Variants in LY75 observed in about 807,000 individuals in gnomAD.
The protein encoded by LY75 is C-type lectin domain family 13 member B.
LY75 carries 185 observed loss-of-function variants against 231.7 expected under a neutral mutation model. That is an observed-to-expected ratio of 0.80 (90% CI 0.71 to 0.90). The LOEUF (loss-of-function observed/expected upper bound fraction) is 0.90, where lower values mean the gene tolerates loss of function less well. Ranked by LOEUF, LY75 falls within the 40% of genes least tolerant of loss-of-function variation. LY75 has a pLI of 0.00. For synonymous variants in LY75, 668 were observed against 689.0 expected (o/e 0.97, Z 0.48); for missense variants, 1,947 against 2,050.2 (o/e 0.95, Z 0.97).
Position 159,840,719 on chromosome 2 carries a change from G to A in LY75, c.3507+10C>T. ...TCACCCAGTCCTGGCAGTTGGGACT[G>A]AACACTTACATCTTGACTGAAGAGT... is the stretch of plus-strand genomic sequence containing the variant. On this transcript the variant is annotated intron_variant, in intron 25 of 34. Coordinates refer to ENST00000263636, the MANE Select transcript of LY75 (RefSeq NM_002349.4). 1 of 1,613,942 alleles carries A rather than the reference G, an allele frequency of 6.2e-7. No individual in the cohort carries two copies. The highest frequency in any genetic ancestry group is 1.7e-5 in the Admixed American group (1 of 60,012).
chr2:159,880,470 A>G (rs917641985), intron 8 of LY75, among the ~76,000 whole-genome samples: 6 of 152,230 alleles, frequency 3.9e-5, no homozygotes, highest in African/African-American at 1.4e-4. Context: ...CACTGATGGC[A>G]GAAAGGTGGG....
intron 1 of LY75, among the ~76,000 whole-genome samples, 181 bp downstream of exon 1, chr2:159,904,408 G>A (rs566325103): frequency 6.6e-6 from 1 of 152,334 alleles, no homozygotes; most frequent in African/African-American, 2.4e-5. Context: ...GAGGGCACTG[G>A]GGCGCTTCCT....
intron 12 of LY75, among the ~76,000 whole-genome samples, chr2:159,873,993 A>G (rs1378412480): frequency 1.5e-5 from 1 of 67,176 alleles, no homozygotes; most frequent in African/African-American, 5.2e-5. Context: ...AAAAATACAT[A>G]TAAACGTATA....
Position 159,885,278 on chromosome 2 carries a change from G to A in LY75, c.929C>T (p.Pro310Leu), listed in dbSNP as rs757565645. 21 of 1,613,188 alleles carry A rather than the reference G, an allele frequency of 1.3e-5. No individual in the cohort carries two copies. The highest frequency in any genetic ancestry group is 1.8e-5 in the Non-Finnish European group (21 of 1,179,478). ...TGCACAGCTGGAGCCACCTATAGTA[G>A]GTGCACTGGGCCTGTCTTAAAAGGG... ...LNWDPDRPSA[P>L]TIGGSSCARM... The change falls in exon 6 of 35, where the codon CCT becomes CTT. Residue 310 changes from proline to leucine, a missense_variant. Coordinates refer to ENST00000263636, the MANE Select transcript of LY75 (RefSeq NM_002349.4).
chr2:159,878,347 G>A lies in LY75; in HGVS notation c.1751C>T (p.Ser584Phe), dbSNP rs1685332532. 1 of 1,613,926 alleles carries A rather than the reference G, an allele frequency of 6.2e-7. No individual in the cohort carries two copies. Among genetic ancestry groups the A allele is most frequent in the East Asian group, 2.2e-5 (1 of 44,868 alleles). The change falls in exon 11 of 35, where the codon TCC (serine) becomes TTC (phenylalanine). Residue 584 changes from serine (S) to phenylalanine (F), a missense_variant. Coordinates refer to ENST00000263636, the MANE Select transcript of LY75 (RefSeq NM_002349.4). ...VGGRRRAVTF[S>F]NWNFLEPASP... Reference sequence around the variant, plus strand: ...ACCTGGCTCAAGAAAATTCCAGTTGGAAAAGGTTACAGCCCGCCTTCTTCC... The same window carrying A: ...ACCTGGCTCAAGAAAATTCCAGTTGAAAAAGGTTACAGCCCGCCTTCTTCC...
intron 31 of LY75, among the ~76,000 whole-genome samples, chr2:159,812,963 A>T (rs1179948936): frequency 6.6e-6 from 1 of 152,130 alleles, no homozygotes; most frequent in Non-Finnish European, 1.5e-5. Flanking sequence ...TCTTTTTGTG[A>T]CTGGCTTATT....
Position 159,839,951 on chromosome 2 carries a change from A to G in LY75, c.3507+778T>C, listed in dbSNP as rs527493533. On this transcript the variant is annotated intron_variant, in intron 25 of 34. Coordinates refer to ENST00000263636, the MANE Select transcript of LY75 (RefSeq NM_002349.4). ...AACCTTGGAGGTGGAGGTTGCAGTG[A>G]GCCGAGATTGCACCACTGTACTCCA... Among the ~76,000 whole-genome samples, 153 of 137,186 alleles carry G rather than the reference A, an allele frequency of 1.1e-3. 1 individual carries two copies. The highest frequency in any genetic ancestry group is 2.0e-3 in the Non-Finnish European group (131 of 65,480). 90.0% of individuals were successfully genotyped at this position (137,186 alleles called of 152,430 possible).
At chr2:159,806,269 G>T (rs1387405009) in intron 34 of LY75, among the ~76,000 whole-genome samples, 1 of 152,134 alleles carries the variant, frequency 6.6e-6, no homozygotes, top group Non-Finnish European at 1.5e-5. Context: ...GTGCATCCCA[G>T]TGTGCAAAAC....
In LY75 at chr2:159,819,914, G is replaced by C. The variant is rs1683234154; in HGVS notation, c.3965C>G (p.Ser1322Cys). ...VMLGITYRNK[S>C]LMWFDKTPLS... ...TGGGGTCTTATCAAACCACATAAGA[G>C]ACTTATCTAGAGAAGAAACATTTTT... Residue 1322 changes from serine to cysteine, a missense_variant, in exon 29 of 35, where the codon TCT becomes TGT. By Grantham distance (112) the Ser-to-Cys change is moderately radical. Coordinates refer to ENST00000263636, the MANE Select transcript of LY75 (RefSeq NM_002349.4). 1.3e-6 allele frequency: 2 copies of C among 1,569,802 alleles called. No individual in the cohort carries two copies. Among genetic ancestry groups the C allele is most frequent in the Admixed American group, 3.9e-5 (2 of 51,420 alleles).
Position 159,904,733 on chromosome 2 carries a change from C to A in LY75, c.-51G>T. 2 of 1,366,492 alleles carry A rather than the reference C, an allele frequency of 1.5e-6. No individual in the cohort carries two copies. The highest frequency in any genetic ancestry group is 1.5e-5 in the African/African-American group (1 of 65,288). 84.6% of individuals were successfully genotyped at this position (1,366,492 alleles called of 1,614,324 possible). The stretch of plus-strand genomic sequence containing the variant: ...CGGGTCCTCGGGCGCACGCGGCTCC[C>A]GCCCCGCCTGCTGAGCGCGGCCTGC... On this transcript the variant is annotated 5_prime_UTR_variant, in exon 1 of 35. Transcript: ENST00000263636.
chr2:159,879,126 G>A (rs1685360686), intron 9 of LY75, 133 bp downstream of exon 9: 1 of 1,038,090 alleles, frequency 9.6e-7, no homozygotes, highest in African/African-American at 1.6e-5. Context: ...CTTCTGGCTT[G>A]TTCTAACTTA....
intron 3 of LY75, 151 bp downstream of exon 3, chr2:159,893,763 C>T: frequency 8.6e-7 from 1 of 1,165,194 alleles, no homozygotes; most frequent in Non-Finnish European, 1.2e-6. Context: ...CATGGCTACA[C>T]ATTACCTCTC....
Position 159,878,472 on chromosome 2 carries a change from A to G in LY75, c.1626T>C (p.Asn542=). ...ATTTATCATACTTTTTCATCAAATCATTTAGGTATTCTTGCTCAAATCTAC... is the reference window on the plus strand; with the variant it reads ...ATTTATCATACTTTTTCATCAAATCGTTTAGGTATTCTTGCTCAAATCTAC... ...ITSRFEQEYL[N]DLMKKYDKSL... Residue 542 remains asparagine (N), a synonymous_variant, in exon 11 of 35, where the codon AAT becomes AAC. Coordinates refer to ENST00000263636, the MANE Select transcript of LY75 (RefSeq NM_002349.4). The G allele has an allele frequency of 6.2e-7, 1 of 1,613,988 alleles. No homozygotes were observed. Among genetic ancestry groups the G allele is most frequent in the Non-Finnish European group, 8.5e-7 (1 of 1,179,966 alleles).
intron 30 of LY75, among the ~76,000 whole-genome samples, chr2:159,816,520 A>AT (rs1256914079): frequency 1.3e-5 from 2 of 152,140 alleles, no homozygotes; most frequent in African/African-American, 4.8e-5. Flanking sequence ...ATGCTATTTC[A>AT]TTTTTATCAG....
In LY75 at chr2:159,893,702, A is replaced by G. The variant is rs569218138; in HGVS notation, c.637+212T>C. The stretch of plus-strand genomic sequence containing the variant: ...ATGGAACACTCCCTCCTCCTCCTCC[A>G]TGACACCATCCGCCTTGGTTCACTT... On this transcript the variant is annotated intron_variant, in intron 3 of 34. Transcript: ENST00000263636. Among the ~76,000 whole-genome samples the G allele has an allele frequency of 2.0e-5, 3 of 152,174 alleles. No individual in the cohort carries two copies. The East Asian group carries it at 5.8e-4, about 29-fold the overall frequency.
At chr2:159,855,409 T>C (rs1204087485) in intron 16 of LY75, among the ~76,000 whole-genome samples, 1 of 152,184 alleles carries the variant, frequency 6.6e-6, no homozygotes, top group African/African-American at 2.4e-5. Context: ...TTCATTGTCT[T>C]CCAAGATATC....
intron 10 of LY75, 66 bp downstream of exon 10, chr2:159,878,567 G>A (rs1396293732): frequency 3.7e-6 from 6 of 1,612,192 alleles, no homozygotes; most frequent in African/African-American, 2.7e-5. Flanking sequence ...TTTTACTTAG[G>A]AAGACTGTTT....
Position 159,864,293 on chromosome 2 carries a change from G to A in LY75, c.2199+546C>T, listed in dbSNP as rs901840709. ...TTTTGTTGTCTGTGTTTTTGAGTTC[G>A]TATCCAAAAAAATCCTTGTCCAGAC... On this transcript the variant is annotated intron_variant, in intron 14 of 34. Coordinates refer to ENST00000263636, the MANE Select transcript of LY75 (RefSeq NM_002349.4). 1.1e-4 allele frequency among the ~76,000 whole-genome samples: 17 copies of A among 151,878 alleles called. 1 individual carries two copies. The highest frequency in any genetic ancestry group is 2.2e-4 in the Non-Finnish European group (15 of 67,946).
chr2:159,880,068 T>C (rs1028878907), intron 8 of LY75, among the ~76,000 whole-genome samples: 1 of 152,188 alleles, frequency 6.6e-6, no homozygotes, highest in Admixed American at 6.5e-5. Flanking sequence ...GGATGTCCTT[T>C]TAAATAGAGC....
Sources: gnomAD v4.1 joint callset for allele counts (sites outside exome capture counted in the v4.1 genomes callset) on GRCh38, gnomAD v4.1.1 for gene constraint, MANE v1.5 for transcripts, NCBI Gene and HGNC (gene_info 2026-07-23, HGNC 2026-07-21) for gene names.